The following AZIN2 variants were observed in gnomAD, a reference collection of about 807,000 sequenced individuals.
AZIN2 encodes the protein ODC antizyme inhibitor-2.
In AZIN2, 28 loss-of-function variants were observed where a neutral mutation model predicts 47.8. That is an observed-to-expected ratio of 0.59 (90% CI 0.43 to 0.80). AZIN2 has a LOEUF of 0.80. AZIN2 is among the 30% of genes least tolerant of loss of function. The pLI is 0.00. For synonymous variants in AZIN2, 221 were observed against 239.4 expected, an observed-to-expected ratio of 0.92 and a Z score of 0.71; for missense variants, 535 against 582.5, an observed-to-expected ratio of 0.92 and a Z score of 0.84.
the AZIN2 span, chr1:33,165,469 A>T: frequency 6.3e-7 from 1 of 1,596,730 alleles, no homozygotes; most frequent in Non-Finnish European, 8.5e-7. The surrounding 1 kb of genome is among the most constrained non-coding windows in gnomAD (Gnocchi z 4.0). Flanking sequence ...GGCCAGGCTC[A>T]CCTTGGTCTC....
the AZIN2 span, among the ~76,000 whole-genome samples, chr1:33,136,266 T>C: frequency 6.6e-6 from 1 of 151,268 alleles, no homozygotes; most frequent in South Asian, 2.1e-4. Context: ...TTTTTCTTTC[T>C]CTCTTTCTTT....
chr1:33,089,715 T>A (rs774658651), intron 5 of AZIN2, among the ~76,000 whole-genome samples: 4 of 152,184 alleles, frequency 2.6e-5, no homozygotes, highest in Non-Finnish European at 4.4e-5. Flanking sequence ...TGAACTCAAT[T>A]TTGTCCTCCA....
At position 33,120,240 on chromosome 1, in the gene AZIN2, G is replaced by A; in HGVS notation, c.*58G>A. On this transcript the variant is annotated 3_prime_UTR_variant, in exon 12 of 12. Coordinates refer to ENST00000294517, the MANE Select transcript of AZIN2 (RefSeq NM_052998.4). ...GGGCCTCAGAGATGCATCTGGGAGA[G>A]GTGGGGAAGATGGCAGGCAAGGGTA... 6.5e-7 allele frequency: 1 copy of A among 1,545,674 alleles called. No homozygotes were observed. Among genetic ancestry groups the A allele is most frequent in the Middle Eastern group, 1.7e-4 (1 of 5,760 alleles).
At chr1:33,132,538 T>C in the AZIN2 span, among the ~76,000 whole-genome samples, 3 of 152,224 alleles carry the variant, frequency 2.0e-5, no homozygotes, top group African/African-American at 7.2e-5. Context: ...GTCATCCTTC[T>C]GGTCTCAGTT....
chr1:33,134,654 A>C, the AZIN2 span, among the ~76,000 whole-genome samples: 10 of 152,200 alleles, frequency 6.6e-5, no homozygotes, highest in African/African-American at 2.4e-4. Flanking sequence ...ATGTTTACGC[A>C]GGGAAGCTGT....
At position 33,113,206 on chromosome 1, in the gene AZIN2, G is replaced by A. The variant is rs142107388; in HGVS notation, c.1030-4696G>A. On this transcript the variant is annotated intron_variant, in intron 10 of 11. Transcript: ENST00000294517. The surrounding 1 kb of genome is among the most constrained non-coding windows in gnomAD (Gnocchi z 4.1). Reference sequence around the variant, plus strand: ...GATGGTCTCGACCTCCTGACCTCATGATCTGCCTACCTCTGCCTCCCAAAG... The same window carrying A: ...GATGGTCTCGACCTCCTGACCTCATAATCTGCCTACCTCTGCCTCCCAAAG... Among the ~76,000 whole-genome samples, 34 of 152,326 alleles carry A rather than the reference G, an allele frequency of 2.2e-4. No homozygotes were observed. The highest frequency in any genetic ancestry group is 3.4e-3 in the Middle Eastern group (1 of 294).
the AZIN2 span, among the ~76,000 whole-genome samples, chr1:33,157,697 G>A: frequency 6.6e-6 from 1 of 151,784 alleles, no homozygotes; most frequent in South Asian, 2.1e-4. Context: ...AAGTGTCCAG[G>A]CCTCAGTCAT....
At chr1:33,141,232 C>T in the AZIN2 span, among the ~76,000 whole-genome samples, 3 of 151,948 alleles carry the variant, frequency 2.0e-5, no homozygotes. Context: ...CCCCCGCAGA[C>T]CTTCTTAGAT....
intron 7 of AZIN2, 125 bp downstream of exon 7, chr1:33,093,541 C>G: frequency 7.9e-7 from 1 of 1,266,608 alleles, no homozygotes; most frequent in Non-Finnish European, 1.1e-6. Context: ...GCCTGGAATT[C>G]TTCCATTTGA....
the AZIN2 span, among the ~76,000 whole-genome samples, chr1:33,136,321 T>G: frequency 1.3e-5 from 2 of 148,590 alleles, no homozygotes; most frequent in African/African-American, 4.9e-5. Context: ...TCTTTCTTTT[T>G]CTTTCTTTCC....
the AZIN2 span, among the ~76,000 whole-genome samples, chr1:33,150,863 G>A: frequency 6.6e-6 from 1 of 152,168 alleles, no homozygotes; most frequent in Non-Finnish European, 1.5e-5. Context: ...AGGTGTGACA[G>A]TGGAGGGGCA....
chr1:33,127,445 C>CGCA (rs1018746297), downstream of AZIN2, among the ~76,000 whole-genome samples: 11 of 152,362 alleles, frequency 7.2e-5, no homozygotes, highest in African/African-American at 2.2e-4. Flanking sequence ...GACGGAGAGG[C>CGCA]GCAGCTCAGT....
intron 10 of AZIN2, among the ~76,000 whole-genome samples, chr1:33,105,747 T>A (rs1347617062): frequency 2.6e-5 from 4 of 152,198 alleles, no homozygotes; most frequent in Non-Finnish European, 5.9e-5. Flanking sequence ...CATATCAGTG[T>A]GTAAAGATGC....
At chr1:33,115,800 T>G (rs1372198301) in intron 10 of AZIN2, among the ~76,000 whole-genome samples, 1 of 152,244 alleles carries the variant, frequency 6.6e-6, no homozygotes, top group Non-Finnish European at 1.5e-5. Flanking sequence ...TTTTAAAATT[T>G]ACACCACTAA....
intron 10 of AZIN2, chr1:33,101,764 T>C: frequency 1.4e-6 from 1 of 721,360 alleles, no homozygotes. Flanking sequence ...TTATATTTGT[T>C]TTTTTGCTTT....
intron 10 of AZIN2, 72 bp from the exon 11 acceptor site, chr1:33,117,830 C>CT: frequency 1.3e-6 from 2 of 1,546,772 alleles, no homozygotes; most frequent in East Asian, 4.5e-5. Context: ...CCATAGAAGG[C>CT]TTTTGAGGGA....
chr1:33,139,016 G>A, the AZIN2 span, among the ~76,000 whole-genome samples: 34 of 152,182 alleles, frequency 2.2e-4, no homozygotes, highest in Admixed American at 2.2e-3. Context: ...TGCAAGACTC[G>A]CACTGACTGT....
Position 33,082,304 on chromosome 1 carries a change from ACCC to A in AZIN2, c.56_58del (p.Thr19del), listed in dbSNP as rs1287021579. On this transcript the variant is annotated inframe_deletion, in exon 4 of 12. Coordinates refer to ENST00000294517, the MANE Select transcript of AZIN2 (RefSeq NM_052998.4). ...TGTGATGGTGGAGGAGGGCTTCAGT[ACCC>A]GAGACCTGCTGAAGGAACTCACTCT... 6.2e-7 allele frequency: 1 copy of A among 1,613,994 alleles called. No homozygotes were observed. The highest frequency in any genetic ancestry group is 1.3e-5 in the African/African-American group (1 of 75,020).
the AZIN2 span, among the ~76,000 whole-genome samples, chr1:33,140,600 T>G: frequency 2.6e-5 from 4 of 152,208 alleles, no homozygotes; most frequent in African/African-American, 9.7e-5. The surrounding 1 kb of genome is among the most constrained non-coding windows in gnomAD (Gnocchi z 4.0). Context: ...TCTAGTGCCA[T>G]GAAATCAGGG....
Sources: allele counts gnomAD v4.1 joint callset (sites outside exome capture counted in the v4.1 genomes callset), GRCh38; gene constraint gnomAD v4.1.1; non-coding constraint Gnocchi (gnomAD v3.1); transcripts MANE v1.5; gene names NCBI Gene and HGNC (gene_info 2026-07-23, HGNC 2026-07-21).